Variants in PPP3CC observed in about 807,000 individuals in gnomAD.
The protein encoded by PPP3CC is protein phosphatase 3 catalytic subunit gamma.
PPP3CC carries 35 observed loss-of-function variants against 60.3 expected under a neutral mutation model. The ratio of observed to expected loss-of-function variants is 0.58; its 90% confidence interval spans 0.44 to 0.77. The LOEUF (loss-of-function observed/expected upper bound fraction) is 0.77. Among genes scored for constraint, PPP3CC ranks in the 30% least tolerant of loss-of-function variants. The probability of loss-of-function intolerance (pLI) is 0.00; values close to 1 mark genes in which losing one functional copy is unlikely to be tolerated. For synonymous variants in PPP3CC, 206 were observed against 224.3 expected (o/e 0.92, Z 0.73); for missense variants, 570 against 628.9 (o/e 0.91, Z 1.00).
At chr8:22,515,927 ATTTTATT>A (rs1430464243) in intron 6 of PPP3CC, among the ~76,000 whole-genome samples, 5 of 147,536 alleles carry the variant, frequency 3.4e-5, no homozygotes, top group Non-Finnish European at 7.5e-5. Context: ...ATTTTATTTT[ATTTTATT>A]TTATTTTATT....
intron 1 of PPP3CC, among the ~76,000 whole-genome samples, chr8:22,441,904 C>G (rs1286533975): frequency 6.6e-6 from 1 of 152,206 alleles, no homozygotes; most frequent in African/African-American, 2.4e-5. Flanking sequence ...CCCGCTTTCT[C>G]TAGATCATTG....
At chr8:22,517,658 T>A (rs1839288929) in intron 6 of PPP3CC, among the ~76,000 whole-genome samples, 1 of 152,200 alleles carries the variant, frequency 6.6e-6, no homozygotes, top group African/African-American at 2.4e-5. Context: ...TGATTATTCG[T>A]AATAGTCCGT....
At chr8:22,508,017 G>C (rs1236553871) in intron 4 of PPP3CC, among the ~76,000 whole-genome samples, 1 of 152,190 alleles carries the variant, frequency 6.6e-6, no homozygotes. Context: ...ACTTTGGGAG[G>C]CTGGGGCAGG....
At chr8:22,464,916 T>C (rs1837473208) in intron 1 of PPP3CC, among the ~76,000 whole-genome samples, 1 of 152,046 alleles carries the variant, frequency 6.6e-6, no homozygotes, top group Non-Finnish European at 1.5e-5. Context: ...CTGCAATGTA[T>C]TTGTTAAAGC....
Position 22,444,261 on chromosome 8 carries a change from C to CAA in PPP3CC, c.49+2818_49+2819dup, listed in dbSNP as rs140849668. Among the ~76,000 whole-genome samples, 156 of 122,572 alleles carry CAA rather than the reference C, an allele frequency of 1.3e-3. 1 individual carries two copies. Among genetic ancestry groups the CAA allele is most frequent in the South Asian group, 0.013 (49 of 3,906 alleles). The allele number at this position is 122,572 out of a possible 152,430, so 80.4% of individuals were successfully genotyped here. A position where few individuals can be genotyped will look rare whatever the true frequency, so the allele number is the denominator to read the frequency against. Reference sequence around the variant, plus strand: ...ACAAGAGTGAAACTCAGTCTCAAGCCAAAAAAAAAAAAAAAACTCATCTGT... The same window carrying CAA: ...ACAAGAGTGAAACTCAGTCTCAAGCCAAAAAAAAAAAAAAAAAACTCATCTGT... On this transcript the variant is annotated intron_variant, in intron 1 of 13. Transcript: ENST00000240139.
intron 1 of PPP3CC, among the ~76,000 whole-genome samples, chr8:22,453,872 C>T (rs1264152935): frequency 6.6e-6 from 1 of 152,036 alleles, no homozygotes; most frequent in Admixed American, 6.6e-5. Context: ...AAAAATGGTC[C>T]ACCTGTGGAG....
intron 1 of PPP3CC, among the ~76,000 whole-genome samples, chr8:22,454,481 T>A (rs2167396): frequency 0.012 from 1,787 of 152,174 alleles, 37 homozygotes; most frequent in African/African-American, 0.041. Context: ...GTAGAAGGAG[T>A]ATACTCTAAA....
Position 22,513,408 on chromosome 8 carries a change from T to C in PPP3CC, c.746T>C (p.Val249Ala), listed in dbSNP as rs1397382342. The C allele has an allele frequency of 1.2e-6, 2 of 1,608,094 alleles. No individual in the cohort carries two copies. The highest frequency in any genetic ancestry group is 2.2e-5 in the East Asian group (1 of 44,722). Residue 249 changes from valine to alanine, a missense_variant, in exon 6 of 14, where the codon GTC becomes GCC. Coordinates refer to ENST00000240139, the MANE Select transcript of PPP3CC (RefSeq NM_005605.5). Reference protein sequence around the residue: ...KTLEHYTHNTVRGCSYFYSYP... With the variant: ...KTLEHYTHNTARGCSYFYSYP... ...TTGGAGCACTATACCCACAACACTG[T>C]CCGAGGGTGCTCTTATTTCTACAGG... is the stretch of plus-strand genomic sequence containing the variant.
rs1487707097 is a variant in PPP3CC, at chr8:22,441,484, TG to T, written c.49+29del. 5.9e-6 allele frequency: 9 copies of T among 1,519,580 alleles called. No individual in the cohort carries two copies. In the African/African-American group the frequency reaches 1.3e-4, roughly 22 times the overall value. 94.1% of individuals were successfully genotyped at this position (1,519,580 alleles called of 1,614,324 possible). On this transcript the variant is annotated intron_variant, in intron 1 of 13. Coordinates refer to ENST00000240139, the MANE Select transcript of PPP3CC (RefSeq NM_005605.5). ...GTGCCTGGCGGGCCGGGCCTTCCTC[TG>T]GGACCCGCGGGAAACGGCCTTCGGC...
chr8:22,447,105 T>C (rs1836849254), intron 1 of PPP3CC, among the ~76,000 whole-genome samples: 1 of 151,452 alleles, frequency 6.6e-6, no homozygotes, highest in East Asian at 1.9e-4. Flanking sequence ...CTTCCTGGGC[T>C]CAGGTGATCC....
intron 3 of PPP3CC, among the ~76,000 whole-genome samples, chr8:22,486,098 C>G (rs1042711471): frequency 6.6e-6 from 1 of 152,100 alleles, no homozygotes; most frequent in Non-Finnish European, 1.5e-5. Flanking sequence ...CAGGAATAAC[C>G]CAGTTCATAT....
At chr8:22,484,301 A>C (rs1838159318) in intron 3 of PPP3CC, among the ~76,000 whole-genome samples, 1 of 152,162 alleles carries the variant, frequency 6.6e-6, no homozygotes, top group South Asian at 2.1e-4. Flanking sequence ...CTGGCTGACT[A>C]TATGAGATTT....
intron 6 of PPP3CC, among the ~76,000 whole-genome samples, chr8:22,520,941 G>T (rs80097541): frequency 2.0e-5 from 3 of 152,118 alleles, no homozygotes; most frequent in Admixed American, 2.0e-4. Flanking sequence ...TTATGGACTC[G>T]TTCGCCAAGT....
intron 5 of PPP3CC, among the ~76,000 whole-genome samples, chr8:22,512,628 CAAAT>C (rs755081965): frequency 3.3e-5 from 5 of 152,152 alleles, no homozygotes; most frequent in Admixed American, 6.5e-5. Flanking sequence ...CTCACCTAGA[CAAAT>C]AAAATTAATT....
intron 3 of PPP3CC, among the ~76,000 whole-genome samples, chr8:22,479,019 T>A (rs1379006203): frequency 6.6e-6 from 1 of 152,192 alleles, no homozygotes; most frequent in African/African-American, 2.4e-5. Flanking sequence ...AAAACCAAAG[T>A]ATGAGATCTA....
At chr8:22,537,445 AAC>A (rs903926051) in intron 12 of PPP3CC, among the ~76,000 whole-genome samples, 2 of 152,222 alleles carry the variant, frequency 1.3e-5, no homozygotes, top group Non-Finnish European at 2.9e-5. Context: ...GGACCTTCTT[AAC>A]ACTGCTGGTG....
chr8:22,530,050 A>T (rs1402488130), intron 10 of PPP3CC, among the ~76,000 whole-genome samples: 1 of 151,676 alleles, frequency 6.6e-6, no homozygotes, highest in Admixed American at 6.6e-5. Context: ...AGAAAACACA[A>T]CTCCCTTTGG....
At chr8:22,467,597 A>G (rs1837583037) in intron 1 of PPP3CC, among the ~76,000 whole-genome samples, 1 of 151,916 alleles carries the variant, frequency 6.6e-6, no homozygotes, top group Non-Finnish European at 1.5e-5. Context: ...ACACCCGGCT[A>G]ATTTTTTATT....
At chr8:22,533,387 C>T (rs926988793) in intron 12 of PPP3CC, among the ~76,000 whole-genome samples, 4 of 152,152 alleles carry the variant, frequency 2.6e-5, no homozygotes, top group Admixed American at 1.3e-4. Flanking sequence ...AGGCAAGACA[C>T]AAAATGGAAG....
Sources: gnomAD v4.1 joint callset for allele counts (sites outside exome capture counted in the v4.1 genomes callset) on GRCh38, gnomAD v4.1.1 for gene constraint, MANE v1.5 for transcripts, NCBI Gene and HGNC (gene_info 2026-07-23, HGNC 2026-07-21) for gene names.